SGMS1: variants seen among roughly 807,000 people sequenced by gnomAD.
SGMS1 encodes sphingomyelin synthase 1.
A neutral mutation model predicts 46.2 loss-of-function variants in SGMS1; 13 were observed. The ratio of observed to expected loss-of-function variants is 0.28; its 90% confidence interval spans 0.18 to 0.45. The LOEUF is 0.45. Among genes scored for constraint, SGMS1 ranks in the 20% least tolerant of loss-of-function variants. The probability of loss-of-function intolerance (pLI) is 1.00; values close to 1 mark genes in which losing one functional copy is unlikely to be tolerated. For missense variants in SGMS1, 324 were observed against 519.9 expected, an observed-to-expected ratio of 0.62 and a Z score of 3.66; for synonymous variants, 203 against 187.8, an observed-to-expected ratio of 1.08 and a Z score of -0.66.
rs1486740121 is a variant in SGMS1, at chr10:50,583,454, T to C, written c.-589+6699A>G. On this transcript the variant is annotated intron_variant, in intron 2 of 10. Transcript: ENST00000361781. ...CAGAAGATGTGCTGACCTCAGGCCC[T>C]GGAGTGAAGCACATGATCTGGCTAT... is the stretch of plus-strand genomic sequence containing the variant. 9.2e-5 allele frequency among the ~76,000 whole-genome samples: 14 copies of C among 152,312 alleles called. No homozygotes were observed. The East Asian group carries it at 2.7e-3, about 29-fold the overall frequency.
chr10:50,346,351 C>T (rs1257911995), intron 6 of SGMS1, among the ~76,000 whole-genome samples: 1 of 152,054 alleles, frequency 6.6e-6, no homozygotes, highest in African/African-American at 2.4e-5. Context: ...CACTACATCT[C>T]ACTATAAAAA....
intron 7 of SGMS1, among the ~76,000 whole-genome samples, chr10:50,329,693 T>G (rs1171049321): frequency 1.3e-5 from 2 of 152,370 alleles, no homozygotes; most frequent in East Asian, 3.9e-4. Flanking sequence ...AAAGAAATGT[T>G]AATGAGATAT....
At chr10:50,548,985 C>A (rs185735697) in intron 2 of SGMS1, among the ~76,000 whole-genome samples, 1 of 152,200 alleles carries the variant, frequency 6.6e-6, no homozygotes, top group Non-Finnish European at 1.5e-5. Flanking sequence ...AAATCAAAAC[C>A]ACAATGAGAT....
intron 1 of SGMS1, among the ~76,000 whole-genome samples, chr10:50,604,962 A>G (rs1433603471): frequency 6.6e-6 from 1 of 152,292 alleles, no homozygotes; most frequent in Non-Finnish European, 1.5e-5. Flanking sequence ...GTAAACAAAC[A>G]GATTTGACTG....
intron 2 of SGMS1, among the ~76,000 whole-genome samples, chr10:50,573,837 T>C (rs1232944445): frequency 6.6e-6 from 1 of 152,096 alleles, no homozygotes; most frequent in African/African-American, 2.4e-5. Context: ...TACAGATCAA[T>C]AGAACAGAAT....
intron 6 of SGMS1, among the ~76,000 whole-genome samples, chr10:50,374,789 T>C (rs189967958): frequency 6.6e-6 from 1 of 152,262 alleles, no homozygotes; most frequent in African/African-American, 2.4e-5. Context: ...ATGCTCTACC[T>C]GAGTCTTTGC....
chr10:50,457,589 G>A (rs1837208692), intron 5 of SGMS1, among the ~76,000 whole-genome samples: 1 of 151,920 alleles, frequency 6.6e-6, no homozygotes, highest in Non-Finnish European at 1.5e-5. Context: ...TCTCTCTCAA[G>A]CATTCCCCAC....
At chr10:50,519,486 G>A (rs1437510591) in intron 3 of SGMS1, among the ~76,000 whole-genome samples, 1 of 152,154 alleles carries the variant, frequency 6.6e-6, no homozygotes, top group East Asian at 1.9e-4. Context: ...TTTCCTACCT[G>A]GTTTATGTGA....
chr10:50,388,297 A>G (rs1848711286), intron 6 of SGMS1, among the ~76,000 whole-genome samples: 1 of 152,122 alleles, frequency 6.6e-6, no homozygotes, highest in Non-Finnish European at 1.5e-5. Flanking sequence ...CAAAATGTTA[A>G]CAATTTAATT....
intron 3 of SGMS1, among the ~76,000 whole-genome samples, chr10:50,480,958 T>A (rs1837471312): frequency 6.6e-6 from 1 of 151,416 alleles, no homozygotes; most frequent in Non-Finnish European, 1.5e-5. Context: ...GGGCAGGGCA[T>A]CCCTGTGGGA....
chr10:50,574,848 C>T (rs774313471), intron 2 of SGMS1, among the ~76,000 whole-genome samples: 3 of 151,572 alleles, frequency 2.0e-5, no homozygotes, highest in East Asian at 1.9e-4. Context: ...ATGCTAATTA[C>T]CCTGATCTGA....
chr10:50,360,129 C>T (rs904489072), intron 6 of SGMS1, among the ~76,000 whole-genome samples: 2 of 152,136 alleles, frequency 1.3e-5, no homozygotes, highest in Non-Finnish European at 1.5e-5. Context: ...AATGAGCTTG[C>T]AGATTTCTCT....
At chr10:50,362,563 C>A (rs1007957002) in intron 6 of SGMS1, among the ~76,000 whole-genome samples, 3 of 152,108 alleles carry the variant, frequency 2.0e-5, no homozygotes, top group Non-Finnish European at 4.4e-5. Flanking sequence ...ATAAATAGCT[C>A]CTTAAAGGCG....
intron 1 of SGMS1, among the ~76,000 whole-genome samples, chr10:50,606,749 T>C (rs983958915): frequency 3.3e-5 from 5 of 152,160 alleles, no homozygotes; most frequent in Non-Finnish European, 2.9e-5. Context: ...TAAGTAAACA[T>C]CACAACAGCA....
intron 1 of SGMS1, among the ~76,000 whole-genome samples, chr10:50,622,841 G>C (rs752735181): frequency 6.6e-6 from 1 of 152,268 alleles, no homozygotes; most frequent in African/African-American, 2.4e-5. Context: ...CCGGCCCACG[G>C]GAGGACGCCA....
At chr10:50,465,005 G>A (rs1837313120) in intron 4 of SGMS1, among the ~76,000 whole-genome samples, 1 of 152,124 alleles carries the variant, frequency 6.6e-6, no homozygotes, top group African/African-American at 2.4e-5. Context: ...TTGGATCTAG[G>A]CATTCTCAGG....
intron 2 of SGMS1, among the ~76,000 whole-genome samples, chr10:50,580,625 G>A (rs763222365): frequency 6.6e-6 from 1 of 152,180 alleles, no homozygotes; most frequent in Non-Finnish European, 1.5e-5. Context: ...GAGCCAAATT[G>A]AGTTTTGGAG....
chr10:50,502,367 G>T (rs368356146), intron 3 of SGMS1, among the ~76,000 whole-genome samples: 139 of 151,074 alleles, frequency 9.2e-4, no homozygotes, highest in African/African-American at 3.3e-3. Flanking sequence ...ACTGGTCCAG[G>T]CTCCTCCCTA....
chr10:50,418,875 C>T (rs1286823710), intron 6 of SGMS1, among the ~76,000 whole-genome samples: 2 of 152,178 alleles, frequency 1.3e-5, no homozygotes, highest in Non-Finnish European at 2.9e-5. Context: ...CAACAGTCCC[C>T]CCATATGCAG....
Sources: gnomAD v4.1 joint callset for allele counts (sites outside exome capture counted in the v4.1 genomes callset) on GRCh38, gnomAD v4.1.1 for gene constraint, MANE v1.5 for transcripts, NCBI Gene and HGNC (gene_info 2026-07-23, HGNC 2026-07-21) for gene names.